The following SUSD5 variants were observed in gnomAD, a reference collection of about 807,000 sequenced individuals.
SUSD5 encodes the protein sushi domain-containing protein 5.
In SUSD5, 33 loss-of-function variants were observed where a neutral mutation model predicts 29.5. That is an observed-to-expected ratio of 1.12 (90% CI 0.85 to 1.49). SUSD5 has a LOEUF of 1.49. SUSD5 is among the 40% of genes most tolerant of loss of function. SUSD5 has a pLI of 0.00. For missense variants in SUSD5, 776 were observed against 800.6 expected (o/e 0.97, Z 0.37); for synonymous variants, 308 against 325.3 (o/e 0.95, Z 0.57).
At chr3:33,161,367 G>C (rs532418814) in intron 4 of SUSD5, among the ~76,000 whole-genome samples, 57 of 152,254 alleles carry the variant, frequency 3.7e-4, no homozygotes, top group African/African-American at 1.3e-3. Flanking sequence ...CCACTGAAAG[G>C]AGAGTAAAAG....
chr3:33,190,949 A>G (rs1412228214), intron 3 of SUSD5, among the ~76,000 whole-genome samples: 1 of 152,084 alleles, frequency 6.6e-6, no homozygotes, highest in Non-Finnish European at 1.5e-5. Context: ...CAGCCCATCA[A>G]ATTCCACTGT....
chr3:33,188,917 A>G (rs143458784), intron 3 of SUSD5, among the ~76,000 whole-genome samples: 83 of 152,358 alleles, frequency 5.4e-4, no homozygotes, highest in African/African-American at 1.9e-3. Flanking sequence ...ACCTCCCCTT[A>G]GAAAAATCTG....
rs565886677 is a variant in SUSD5 at position 33,169,952 on chromosome 3, C to G, written c.598+4934G>C. Among the ~76,000 whole-genome samples the G allele has an allele frequency of 5.3e-5, 8 of 151,884 alleles. No individual in the cohort carries two copies. In the East Asian group the frequency reaches 1.6e-3, roughly 30 times the overall value. ...TTTTTTTTTGAGACAGAGTCTCGCT[C>G]TATCACCCAGGCTGCAGTGCAGTGG... is the stretch of plus-strand genomic sequence containing the variant. On this transcript the variant is annotated intron_variant, in intron 4 of 4. Coordinates refer to ENST00000309558, the MANE Select transcript of SUSD5 (RefSeq NM_015551.2).
chr3:33,210,300 A>C (rs1464069930), intron 2 of SUSD5, among the ~76,000 whole-genome samples: 1 of 152,174 alleles, frequency 6.6e-6, no homozygotes, highest in Non-Finnish European at 1.5e-5. Flanking sequence ...TTCACTGTAC[A>C]GTGTACTGTG....
chr3:33,187,842 C>T (rs894600980), intron 3 of SUSD5, among the ~76,000 whole-genome samples: 2 of 142,502 alleles, frequency 1.4e-5, no homozygotes, highest in African/African-American at 2.6e-5. Flanking sequence ...TGTGATGTTC[C>T]CCTTCCTGTG....
intron 1 of SUSD5, among the ~76,000 whole-genome samples, chr3:33,216,619 C>T (rs1463530495): frequency 6.6e-6 from 1 of 152,184 alleles, no homozygotes; most frequent in South Asian, 2.1e-4. Context: ...AAAATTTTTC[C>T]TTAGGATTCT....
At chr3:33,169,032 T>C (rs1038302315) in intron 4 of SUSD5, among the ~76,000 whole-genome samples, 4 of 152,178 alleles carry the variant, frequency 2.6e-5, no homozygotes. Context: ...TGTACCTCAG[T>C]GTTCCCATCT....
intron 3 of SUSD5, among the ~76,000 whole-genome samples, chr3:33,177,911 T>A (rs2031585454): frequency 6.6e-6 from 1 of 152,262 alleles, no homozygotes; most frequent in Non-Finnish European, 1.5e-5. Context: ...TAGACAATCA[T>A]GTTATCTGCA....
chr3:33,183,408 T>C (rs2031713896), intron 3 of SUSD5, among the ~76,000 whole-genome samples: 1 of 152,194 alleles, frequency 6.6e-6, no homozygotes, highest in Non-Finnish European at 1.5e-5. Flanking sequence ...TACTTGTTTT[T>C]TTATTTTTAT....
intron 4 of SUSD5, among the ~76,000 whole-genome samples, chr3:33,157,765 G>T (rs1004940582): frequency 1.2e-4 from 18 of 152,200 alleles, no homozygotes; most frequent in Non-Finnish European, 2.5e-4. Flanking sequence ...AAACCTGGAT[G>T]CTGAAGGATA....
intron 4 of SUSD5, among the ~76,000 whole-genome samples, chr3:33,159,706 T>TACACAC (rs35599277): frequency 6.6e-6 from 1 of 150,892 alleles, no homozygotes; most frequent in South Asian, 2.1e-4. Context: ...AACACACCCA[T>TACACAC]ACACACACAC....
chr3:33,170,209 G>A (rs959546000), intron 4 of SUSD5, among the ~76,000 whole-genome samples: 11 of 152,048 alleles, frequency 7.2e-5, no homozygotes, highest in Admixed American at 2.0e-4. Context: ...ATGAGCCACC[G>A]CGCCCGGCCG....
chr3:33,216,238 T>C (rs536743967), intron 1 of SUSD5, among the ~76,000 whole-genome samples: 134 of 152,126 alleles, frequency 8.8e-4, no homozygotes, highest in African/African-American at 3.2e-3. Context: ...CTAAATGAAG[T>C]GGGGGAAAAA....
At chr3:33,181,232 A>G (rs562600754) in intron 3 of SUSD5, among the ~76,000 whole-genome samples, 2 of 152,282 alleles carry the variant, frequency 1.3e-5, no homozygotes, top group Admixed American at 1.3e-4. Context: ...CTGCAGTAGT[A>G]TACAGTAACG....
chr3:33,200,443 G>A (rs1415906116), intron 3 of SUSD5, among the ~76,000 whole-genome samples: 4 of 152,200 alleles, frequency 2.6e-5, no homozygotes, highest in Non-Finnish European at 5.9e-5. Flanking sequence ...AAAGTTTTGA[G>A]GTGCTAGAAT....
At chr3:33,170,383 C>T (rs2031399072) in intron 4 of SUSD5, among the ~76,000 whole-genome samples, 1 of 152,152 alleles carries the variant, frequency 6.6e-6, no homozygotes, top group Admixed American at 6.5e-5. Context: ...CAGAACCAGA[C>T]CTGAACTCTA....
intron 3 of SUSD5, among the ~76,000 whole-genome samples, chr3:33,200,212 G>A (rs1054597768): frequency 1.6e-4 from 24 of 152,096 alleles, no homozygotes; most frequent in Non-Finnish European, 8.8e-5. Context: ...CTGTGAATTG[G>A]GAACTGGGTC....
intron 3 of SUSD5, among the ~76,000 whole-genome samples, chr3:33,191,678 C>T (rs866392669): frequency 5.3e-5 from 8 of 152,128 alleles, no homozygotes; most frequent in Admixed American, 3.3e-4. Flanking sequence ...GGTGCAGTGG[C>T]TCACTCCTGT....
At chr3:33,212,626 A>G (rs1470967142) in intron 2 of SUSD5, among the ~76,000 whole-genome samples, 1 of 152,220 alleles carries the variant, frequency 6.6e-6, no homozygotes, top group Non-Finnish European at 1.5e-5. Flanking sequence ...TTGGCAGTTA[A>G]TGCTAGCCAC....
Sources: gnomAD v4.1 joint callset for allele counts (sites outside exome capture counted in the v4.1 genomes callset) on GRCh38, gnomAD v4.1.1 for gene constraint, MANE v1.5 for transcripts, NCBI Gene and HGNC (gene_info 2026-07-23, HGNC 2026-07-21) for gene names.